Variants in PAM16 observed in about 807,000 individuals in gnomAD.
The protein encoded by PAM16 is presequence translocase associated motor 16, also known as mitochondrial import inner membrane translocase subunit TIM16.
PAM16 carries 11 observed loss-of-function variants against 17.9 expected under a neutral mutation model. The observed-to-expected ratio is 0.62, with a 90% CI of 0.39 to 1.02. PAM16 has a LOEUF of 1.02. Among genes scored for constraint, PAM16 ranks in the 50% least tolerant of loss-of-function variants. The pLI is 0.01. For synonymous variants in PAM16, 72 were observed against 67.4 expected, an observed-to-expected ratio of 1.07 and a Z score of -0.34; for missense variants, 199 against 165.4, an observed-to-expected ratio of 1.20 and a Z score of -1.11.
intron 4 of PAM16, 147 bp from the exon 5 acceptor site, chr16:4,340,552 G>T: frequency 1.1e-6 from 1 of 882,374 alleles, no homozygotes; most frequent in African/African-American, 1.7e-5. Flanking sequence ...GGCACCCCAG[G>T]GTCGGGGTGG....
intron 1 of PAM16, chr16:4,343,563 G>A: frequency 7.1e-7 from 1 of 1,403,666 alleles, no homozygotes; most frequent in Non-Finnish European, 9.2e-7. Flanking sequence ...GAAAGGCGTA[G>A]AGGAGCAAGG....
chr16:4,344,925 T>A (rs2053729839), intron 1 of PAM16, among the ~76,000 whole-genome samples: 1 of 151,784 alleles, frequency 6.6e-6, no homozygotes, highest in Non-Finnish European at 1.5e-5. Flanking sequence ...ATACTAGGGC[T>A]TTCTAGGCAG....
At chr16:4,351,040 T>C (rs2053848082) in intron 1 of PAM16, 192 bp downstream of exon 1, 1 of 334,720 alleles carries the variant, frequency 3.0e-6, no homozygotes, top group Non-Finnish European at 5.4e-6. Context: ...CGGTTTTCCC[T>C]GGCCCTGAGG....
At chr16:4,346,019 A>G in intron 1 of PAM16, 1 of 970,690 alleles carries the variant, frequency 1.0e-6, no homozygotes, top group Non-Finnish European at 1.2e-6. Flanking sequence ...GTTGCAAAAT[A>G]ATGAACGGTA....
intron 1 of PAM16, chr16:4,348,091 T>G (rs1440297932): frequency 6.6e-6 from 1 of 152,198 alleles, no homozygotes; most frequent in Admixed American, 6.5e-5. Context: ...TCAAGGACAC[T>G]CTGGTCACCC....
Position 4,341,728 on chromosome 16 carries a change from C to G in PAM16, c.89-224G>C, listed in dbSNP as rs1034513115. ...GGAGGGTAAGGGCAGGATCTGACCG[C>G]TAATCCTGGCTCCTGGTCCCCAACC... On this transcript the variant is annotated intron_variant, in intron 2 of 4. Transcript: ENST00000318059. 8 of 695,576 alleles carry G rather than the reference C, an allele frequency of 1.2e-5. 1 individual carries two copies. In the Admixed American group the frequency reaches 2.4e-4, roughly 21 times the overall value. 43.1% of individuals were successfully genotyped at this position (695,576 alleles called of 1,614,324 possible).
At chr16:4,350,120 CCT>C (rs950584590) in intron 1 of PAM16, among the ~76,000 whole-genome samples, 34 of 151,758 alleles carry the variant, frequency 2.2e-4, no homozygotes, top group Non-Finnish European at 3.4e-4. Context: ...TTTTTTTCCC[CCT>C]CTTTTTCTTT....
chr16:4,344,223 AGAGGAGGGGGTT>A (rs2053699272), intron 1 of PAM16: 1 of 126,300 alleles, frequency 7.9e-6, no homozygotes, highest in Non-Finnish European at 1.4e-5. Flanking sequence ...GCGTTCCGTG[AGAGGAGGGGGTT>A]CCGTGAGAGG....
rs369441725 is a variant in PAM16 at position 4,351,242 on chromosome 16, G to C, written c.-8C>G. On this transcript the variant is annotated 5_prime_UTR_variant, in exon 1 of 5. Coordinates refer to ENST00000318059, the MANE Select transcript of PAM16 (RefSeq NM_016069.11). Reference sequence around the variant, plus strand: ...CGACTCGGGGCTCACCATGGCAGCCGCTCTGCCTCCGGGGCTCAAACTCCG... The same window carrying C: ...CGACTCGGGGCTCACCATGGCAGCCCCTCTGCCTCCGGGGCTCAAACTCCG... The C allele has an allele frequency of 6.8e-7, 1 of 1,466,280 alleles. No individual in the cohort carries two copies. The highest frequency in any genetic ancestry group is 9.1e-7 in the Non-Finnish European group (1 of 1,102,684). The allele number at this position is 1,466,280 out of a possible 1,614,324, so 90.8% of individuals were successfully genotyped here. A position where few individuals can be genotyped will look rare whatever the true frequency, so the allele number is the denominator to read the frequency against.
rs2053674836 is a variant in PAM16, at chr16:4,343,089, G to C, written c.88+118C>G. ...GGTCTGGCATCACCCCCCACCATGG[G>C]AAGTGCCTCAGGCCACGCACACTTC... On this transcript the variant is annotated intron_variant, in intron 2 of 4. Coordinates refer to ENST00000318059, the MANE Select transcript of PAM16 (RefSeq NM_016069.11). 6 of 1,338,974 alleles carry C rather than the reference G, an allele frequency of 4.5e-6. No homozygotes were observed. The South Asian group carries it at 7.4e-5, about 17-fold the overall frequency. The allele number at this position is 1,338,974 out of a possible 1,614,324, so 82.9% of individuals were successfully genotyped here.
intron 1 of PAM16, among the ~76,000 whole-genome samples, chr16:4,349,245 G>A (rs1249429565): frequency 1.3e-5 from 2 of 151,634 alleles, no homozygotes; most frequent in Non-Finnish European, 2.9e-5. Flanking sequence ...GTGAGCCACC[G>A]TGCCCGGCCA....
chr16:4,351,241 C>T lies in PAM16; in HGVS notation c.-7G>A. ...CCGACTCGGGGCTCACCATGGCAGC[C>T]GCTCTGCCTCCGGGGCTCAAACTCC... On this transcript the variant is annotated 5_prime_UTR_variant, in exon 1 of 5. Coordinates refer to ENST00000318059, the MANE Select transcript of PAM16 (RefSeq NM_016069.11). 2 of 1,468,018 alleles carry T rather than the reference C, an allele frequency of 1.4e-6. No homozygotes were observed. The highest frequency in any genetic ancestry group is 1.8e-6 in the Non-Finnish European group (2 of 1,103,792). 90.9% of individuals were successfully genotyped at this position (1,468,018 alleles called of 1,614,324 possible).
At chr16:4,340,464 C>T in intron 4 of PAM16, 59 bp from the exon 5 acceptor site, 1 of 1,571,522 alleles carries the variant, frequency 6.4e-7, no homozygotes, top group South Asian at 1.1e-5. Context: ...ACCCCTTGCC[C>T]ACATGGGATG....
intron 2 of PAM16, among the ~76,000 whole-genome samples, chr16:4,342,113 G>A (rs2053657501): frequency 6.6e-6 from 1 of 152,160 alleles, no homozygotes; most frequent in African/African-American, 2.4e-5. Flanking sequence ...CACTTTGGGA[G>A]GCCAAGGAGG....
chr16:4,351,054 C>T (rs1335948865), intron 1 of PAM16, 178 bp downstream of exon 1: 5 of 343,530 alleles, frequency 1.5e-5, no homozygotes, highest in African/African-American at 2.2e-5. Context: ...CCTGAGGCCG[C>T]CGGTGCCGCC....
chr16:4,341,601 TGA>T, intron 2 of PAM16, 97 bp from the exon 3 acceptor site: 3 of 1,486,718 alleles, frequency 2.0e-6, no homozygotes, highest in Non-Finnish European at 2.7e-6. Context: ...CAGCACAGGA[TGA>T]GAGACACAGG....
chr16:4,343,094 G>A, intron 2 of PAM16, 113 bp downstream of exon 2: 1 of 1,392,106 alleles, frequency 7.2e-7, no homozygotes, highest in Non-Finnish European at 1.0e-6. Flanking sequence ...CATGGGAAGT[G>A]CCTCAGGCCA....
At chr16:4,340,784 G>T in intron 4 of PAM16, 136 bp downstream of exon 4, 1 of 1,141,032 alleles carries the variant, frequency 8.8e-7, no homozygotes, top group Non-Finnish European at 1.3e-6. Context: ...TGAGGCTGGG[G>T]CACCATGGGA....
At chr16:4,345,018 G>A (rs1257310053) in intron 1 of PAM16, among the ~76,000 whole-genome samples, 1 of 152,042 alleles carries the variant, frequency 6.6e-6, no homozygotes, top group African/African-American at 2.4e-5. Context: ...GCTGGCCTGG[G>A]AAAGACTGGG....
Sources: gnomAD v4.1 joint callset for allele counts (sites outside exome capture counted in the v4.1 genomes callset) on GRCh38, gnomAD v4.1.1 for gene constraint, MANE v1.5 for transcripts, NCBI Gene and HGNC (gene_info 2026-07-23, HGNC 2026-07-21) for gene names.